COL6A6: variants seen among roughly 807,000 people sequenced by gnomAD.
COL6A6 encodes the protein collagen alpha-6(VI) chain.
A neutral mutation model predicts 208.6 loss-of-function variants in COL6A6; 183 were observed. The observed-to-expected ratio is 0.88, with a 90% confidence interval of 0.78 to 0.99. The LOEUF (loss-of-function observed/expected upper bound fraction) is 0.99. COL6A6 is among the 50% of genes least tolerant of loss of function. The pLI, the probability that COL6A6 is intolerant of heterozygous loss-of-function variation, is 0.00. For synonymous variants in COL6A6, 973 were observed against 1,011.8 expected (o/e 0.96, Z 0.73); for missense variants, 2,816 against 2,815.2 (o/e 1.00, Z -0.01).
intron 23 of COL6A6, among the ~76,000 whole-genome samples, chr3:130,620,614 G>T (rs13065658): frequency 0.047 from 7,221 of 152,156 alleles, 244 homozygotes; most frequent in Non-Finnish European, 0.076. Context: ...ATGAAGGAAG[G>T]GGGAGAGATA....
chr3:130,553,887 C>G (rs1211996913), intron 1 of COL6A6, among the ~76,000 whole-genome samples: 2 of 150,824 alleles, frequency 1.3e-5, no homozygotes, highest in Non-Finnish European at 2.9e-5. Flanking sequence ...TTGCTTTCAT[C>G]TTTGATGTCC....
chr3:130,575,612 G>T (rs773752652), intron 8 of COL6A6, among the ~76,000 whole-genome samples: 2 of 152,142 alleles, frequency 1.3e-5, no homozygotes, highest in Non-Finnish European at 2.9e-5. Flanking sequence ...TTCTCCCAAT[G>T]TCCCCAGACT....
At chr3:130,571,816 C>T (rs552999855) in intron 7 of COL6A6, among the ~76,000 whole-genome samples, 67 of 149,004 alleles carry the variant, frequency 4.5e-4, no homozygotes, top group African/African-American at 1.6e-3. Context: ...GCTGGGACTA[C>T]AGATGTGTGG....
intron 34 of COL6A6, among the ~76,000 whole-genome samples, chr3:130,660,696 C>T (rs1239982371): frequency 6.6e-6 from 1 of 152,198 alleles, no homozygotes; most frequent in Non-Finnish European, 1.5e-5. Flanking sequence ...TGGCTAGGGG[C>T]ACACAGCTTG....
chr3:130,635,499 C>T lies in COL6A6; in HGVS notation c.5029-200C>T, dbSNP rs1218495270. 2.6e-5 allele frequency among the ~76,000 whole-genome samples: 4 copies of T among 152,112 alleles called. No homozygotes were observed. The East Asian group carries it at 7.7e-4, about 29-fold the overall frequency. On this transcript the variant is annotated intron_variant, in intron 27 of 36. Transcript: ENST00000358511. Reference sequence around the variant, plus strand: ...GCCAGTGTTCTCACTGGGGAGACAGCAGAGTGAAACAATGCTGACGCAGTG... The same window carrying T: ...GCCAGTGTTCTCACTGGGGAGACAGTAGAGTGAAACAATGCTGACGCAGTG...
intron 7 of COL6A6, 36 bp from the exon 8 acceptor site, chr3:130,573,920 A>G (rs2063228427): frequency 2.1e-6 from 3 of 1,429,928 alleles, no homozygotes; most frequent in South Asian, 1.2e-5. Flanking sequence ...AAGAATAACA[A>G]TCTGGGTTTT....
chr3:130,660,628 G>T (rs2065909539), intron 34 of COL6A6, among the ~76,000 whole-genome samples: 1 of 152,210 alleles, frequency 6.6e-6, no homozygotes, highest in Non-Finnish European at 1.5e-5. Flanking sequence ...CTGTAGGTGA[G>T]CCTGGTCCTA....
Position 130,568,052 on chromosome 3 carries a change from A to G in COL6A6, c.1849A>G (p.Lys617Glu). The change falls in exon 6 of 37, where the codon AAA (lysine) becomes GAA (glutamate). Residue 617 changes from lysine (K) to glutamate (E), a missense_variant. Transcript: ENST00000358511. The part of the protein sequence containing the change: ...VQEICTEEAC[K>E]EMKADIMFLV... ...TCACAGTTTTTCCTATGCAGCTTGC[A>G]AAGAGATGAAAGCTGACATCATGTT... 1 of 1,603,000 alleles carries G rather than the reference A, an allele frequency of 6.2e-7. No homozygotes were observed.
chr3:130,531,238 G>T (rs1364826400), intron 1 of COL6A6, among the ~76,000 whole-genome samples: 1 of 151,708 alleles, frequency 6.6e-6, no homozygotes, highest in African/African-American at 2.4e-5. Context: ...CTTTATTTTG[G>T]GGAACTCTTC....
intron 29 of COL6A6, 149 bp downstream of exon 29, chr3:130,641,863 G>A: frequency 3.9e-6 from 2 of 510,258 alleles, no homozygotes; most frequent in Non-Finnish European, 7.2e-6. Context: ...AGAAAATACT[G>A]ATTAAATATT....
intron 33 of COL6A6, among the ~76,000 whole-genome samples, chr3:130,650,457 C>A (rs1335797423): frequency 6.6e-6 from 1 of 152,016 alleles, no homozygotes; most frequent in African/African-American, 2.4e-5. Flanking sequence ...CCCGTCTCTA[C>A]TAAAAATACA....
intron 36 of COL6A6, among the ~76,000 whole-genome samples, chr3:130,671,187 T>G (rs2066205413): frequency 6.6e-6 from 1 of 152,254 alleles, no homozygotes; most frequent in Non-Finnish European, 1.5e-5. Context: ...CTTAAGGGCC[T>G]GAATTTGCAT....
At chr3:130,665,484 T>C (rs761491933) in intron 36 of COL6A6, among the ~76,000 whole-genome samples, 1 of 152,096 alleles carries the variant, frequency 6.6e-6, no homozygotes, top group Non-Finnish European at 1.5e-5. Context: ...GAGAAACTTG[T>C]TATGCCAGAA....
At chr3:130,598,466 A>G in intron 19 of COL6A6, 36 bp downstream of exon 19, 1 of 1,367,300 alleles carries the variant, frequency 7.3e-7, no homozygotes, top group Non-Finnish European at 1.0e-6. Flanking sequence ...TGATGCAACA[A>G]CTGTGGGGCT....
chr3:130,602,182 T>A lies in COL6A6; in HGVS notation c.4653+2372T>A, dbSNP rs78343887. On this transcript the variant is annotated intron_variant, in intron 20 of 36. Transcript: ENST00000358511. ...GGAAACTATGACTTAAGGGGCTTCATATGAGTGCCATGAATCTCTAAACAT... is the reference window on the plus strand; with the variant it reads ...GGAAACTATGACTTAAGGGGCTTCAAATGAGTGCCATGAATCTCTAAACAT... Among the ~76,000 whole-genome samples, 786 of 152,342 alleles carry A rather than the reference T, an allele frequency of 5.2e-3. 2 individuals are homozygous for A. The highest frequency in any genetic ancestry group is 0.017 in the African/African-American group (702 of 41,570).
chr3:130,626,400 T>G, intron 24 of COL6A6, 85 bp from the exon 25 acceptor site: 9 of 951,816 alleles, frequency 9.5e-6, no homozygotes, highest in East Asian at 2.4e-5. Context: ...CACAAACCCA[T>G]TGTTGTGTGT....
intron 34 of COL6A6, 25 bp downstream of exon 34, chr3:130,658,797 T>C: frequency 6.4e-7 from 1 of 1,555,824 alleles, no homozygotes; most frequent in Non-Finnish European, 8.8e-7. Context: ...GAGAAGGTAA[T>C]TTGGTCAGGC....
In COL6A6 at chr3:130,571,398, G is replaced by A. The variant is rs201697402; in HGVS notation, c.2977+5G>A. ...TCTGCAACTCTTCAAAAGTAGGTAA[G>A]TTTTGCCAACTAAGTTTTTCCTAAT... is the stretch of plus-strand genomic sequence containing the variant. On this transcript the variant is annotated splice_donor_5th_base_variant and intron_variant, in intron 7 of 36. Coordinates refer to ENST00000358511, the MANE Select transcript of COL6A6 (RefSeq NM_001102608.3). 4.4e-4 allele frequency: 678 copies of A among 1,535,880 alleles called. 1 individual carries two copies. The highest frequency in any genetic ancestry group is 5.5e-4 in the Non-Finnish European group (623 of 1,143,064).
chr3:130,654,341 T>A (rs150450904), intron 33 of COL6A6, among the ~76,000 whole-genome samples: 452 of 152,320 alleles, frequency 3.0e-3, no homozygotes, highest in South Asian at 5.8e-3. Flanking sequence ...ATAAGAAAGC[T>A]CTTGGCCCTT....
Sources: gnomAD v4.1 joint callset for allele counts (sites outside exome capture counted in the v4.1 genomes callset) on GRCh38, gnomAD v4.1.1 for gene constraint, MANE v1.5 for transcripts, NCBI Gene and HGNC (gene_info 2026-07-23, HGNC 2026-07-21) for gene names.